Variants in WWOX observed in about 807,000 individuals in gnomAD.
WWOX encodes the protein WW domain containing oxidoreductase, also known as WW domain-containing oxidoreductase.
In WWOX, 69 loss-of-function variants were observed where a neutral mutation model predicts 46.2. The ratio of observed to expected loss-of-function variants is 1.49; its 90% CI spans 1.23 to 1.82. The LOEUF is 1.82. Ranked by LOEUF, WWOX falls within the 40% of genes most tolerant of loss-of-function variation. WWOX has a pLI of 0.00. For missense variants in WWOX, 919 were observed against 542.6 expected, an observed-to-expected ratio of 1.69 and a Z score of -6.89; for synonymous variants, 359 against 202.6, an observed-to-expected ratio of 1.77 and a Z score of -6.56.
intron 5 of WWOX, among the ~76,000 whole-genome samples, chr16:78,317,702 A>T (rs1282030850): frequency 6.6e-6 from 1 of 152,076 alleles, no homozygotes; most frequent in Non-Finnish European, 1.5e-5. Context: ...TCCAGAGAGT[A>T]AGCGACTCAG....
chr16:78,245,879 A>G (rs752616929), intron 5 of WWOX, among the ~76,000 whole-genome samples: 8 of 152,240 alleles, frequency 5.3e-5, no homozygotes, highest in Non-Finnish European at 7.3e-5. Context: ...GAAAGGCAGG[A>G]AAAGGTCCTC....
intron 8 of WWOX, among the ~76,000 whole-genome samples, chr16:78,633,984 C>G (rs550357917): frequency 6.6e-6 from 1 of 151,536 alleles, no homozygotes; most frequent in Non-Finnish European, 1.5e-5. Context: ...TTAGTCTGAG[C>G]CCCTAGAGAG....
At chr16:79,168,296 A>G (rs1336831559) in intron 8 of WWOX, among the ~76,000 whole-genome samples, 3 of 152,200 alleles carry the variant, frequency 2.0e-5, no homozygotes, top group Non-Finnish European at 4.4e-5. Flanking sequence ...CTTTTTGATG[A>G]ACTGACAAAC....
At position 78,801,632 on chromosome 16, in the gene WWOX, C is replaced by T. The variant is rs115900211; in HGVS notation, c.1056+368880C>T. On this transcript the variant is annotated intron_variant, in intron 8 of 8. Transcript: ENST00000566780. ...CTCTCACCCCACATTAACAATTTCTCTCCTTAACTTTGTTTCTGAATGAAG... is the reference window on the plus strand; with the variant it reads ...CTCTCACCCCACATTAACAATTTCTTTCCTTAACTTTGTTTCTGAATGAAG... 9.8e-5 allele frequency among the ~76,000 whole-genome samples: 15 copies of T among 152,306 alleles called. No individual in the cohort carries two copies. In the South Asian group the frequency reaches 3.1e-3, roughly 32 times the overall value.
intron 5 of WWOX, among the ~76,000 whole-genome samples, chr16:78,277,765 C>A (rs971630374): frequency 2.6e-5 from 4 of 152,026 alleles, no homozygotes; most frequent in African/African-American, 9.7e-5. Context: ...TTAACAGATT[C>A]CCCCCGGGTG....
chr16:78,829,953 G>A (rs527550459), intron 8 of WWOX, among the ~76,000 whole-genome samples: 1 of 151,980 alleles, frequency 6.6e-6, no homozygotes, highest in Non-Finnish European at 1.5e-5. Context: ...GTGAGGTCTG[G>A]GGCTTGCTTT....
chr16:78,473,913 T>C, intron 8 of WWOX, among the ~76,000 whole-genome samples: 1 of 152,322 alleles, frequency 6.6e-6, no homozygotes, highest in South Asian at 2.1e-4. Context: ...AATTTAGGGA[T>C]GATGAGAAAG....
intron 8 of WWOX, among the ~76,000 whole-genome samples, chr16:79,112,348 T>A (rs564329971): frequency 6.6e-6 from 1 of 152,130 alleles, no homozygotes; most frequent in Non-Finnish European, 1.5e-5. Flanking sequence ...TTTTTGAGGC[T>A]CATGACAGAC....
At chr16:78,791,669 GAA>G (rs1157816021) in intron 8 of WWOX, among the ~76,000 whole-genome samples, 3 of 152,088 alleles carry the variant, frequency 2.0e-5, no homozygotes, top group African/African-American at 7.2e-5. Flanking sequence ...CCTGAGGTCA[GAA>G]GTTCGAGACC....
chr16:78,181,687 A>G (rs1352709139), intron 5 of WWOX, among the ~76,000 whole-genome samples: 8 of 152,184 alleles, frequency 5.3e-5, no homozygotes, highest in African/African-American at 1.4e-4. Context: ...CTTGCTATAA[A>G]GAGAGTAAAT....
intron 8 of WWOX, among the ~76,000 whole-genome samples, chr16:79,031,593 T>G (rs2047755547): frequency 6.6e-6 from 1 of 151,920 alleles, no homozygotes; most frequent in Admixed American, 6.6e-5. Context: ...ATGTGGAATT[T>G]TTACCTTTGT....
At chr16:78,635,612 C>T (rs2046548338) in intron 8 of WWOX, among the ~76,000 whole-genome samples, 2 of 152,220 alleles carry the variant, frequency 1.3e-5, no homozygotes, top group South Asian at 2.1e-4. Flanking sequence ...TTTCTTTATT[C>T]AAGGGTTGTT....
intron 8 of WWOX, among the ~76,000 whole-genome samples, chr16:78,944,462 C>A (rs2045911571): frequency 6.6e-6 from 1 of 152,140 alleles, no homozygotes; most frequent in Admixed American, 6.5e-5. Flanking sequence ...ATATGATACT[C>A]TGAACATCTT....
intron 8 of WWOX, among the ~76,000 whole-genome samples, chr16:79,061,032 C>G (rs2048348412): frequency 6.6e-6 from 1 of 152,162 alleles, no homozygotes. Flanking sequence ...GACTGGAATT[C>G]AGACTTATAC....
intron 8 of WWOX, among the ~76,000 whole-genome samples, chr16:79,054,323 C>T (rs771150989): frequency 3.3e-5 from 5 of 152,114 alleles, no homozygotes; most frequent in African/African-American, 7.2e-5. Flanking sequence ...CCAGCTATCC[C>T]GGTTTCTTAT....
intron 8 of WWOX, among the ~76,000 whole-genome samples, chr16:78,580,074 A>ATT (rs1567658713): frequency 1.4e-4 from 20 of 145,708 alleles, no homozygotes; most frequent in African/African-American, 4.9e-4. Context: ...TGACAGAGGA[A>ATT]ATTTTTTTTT....
intron 8 of WWOX, among the ~76,000 whole-genome samples, chr16:78,554,916 C>A (rs574999434): frequency 3.3e-5 from 5 of 152,038 alleles, no homozygotes; most frequent in Non-Finnish European, 7.4e-5. Flanking sequence ...TAAGCCTTAC[C>A]CAAGCATTAA....
intron 8 of WWOX, among the ~76,000 whole-genome samples, chr16:78,684,570 CTGCAACATCCCT>C (rs2047811689): frequency 2.0e-5 from 3 of 152,182 alleles, no homozygotes; most frequent in Non-Finnish European, 4.4e-5. Context: ...TGCCTCACAG[CTGCAACATCCCT>C]GGGGTGGAGA....
intron 5 of WWOX, among the ~76,000 whole-genome samples, chr16:78,343,964 T>G (rs1376049839): frequency 8.3e-6 from 1 of 120,374 alleles, no homozygotes; most frequent in Non-Finnish European, 2.0e-5. Context: ...TTTCTTCCTT[T>G]GCCTTCCTCC....
Sources: allele counts gnomAD v4.1 joint callset (sites outside exome capture counted in the v4.1 genomes callset), GRCh38; gene constraint gnomAD v4.1.1; transcripts MANE v1.5; gene names NCBI Gene and HGNC (gene_info 2026-07-23, HGNC 2026-07-21).